The following CDS2 variants were observed in gnomAD, a reference collection of about 807,000 sequenced individuals.
CDS2 encodes phosphatidate cytidylyltransferase 2.
Under a neutral mutation model 59.0 loss-of-function variants are expected in CDS2, and 47 were observed. The ratio of observed to expected loss-of-function variants is 0.80; its 90% CI spans 0.63 to 1.02. The LOEUF is 1.02. CDS2 is among the 50% of genes least tolerant of loss of function. The probability of loss-of-function intolerance (pLI) is 0.00; values close to 1 mark genes in which losing one functional copy is unlikely to be tolerated. For synonymous variants in CDS2, 207 were observed against 206.4 expected (o/e 1.00, Z -0.02); for missense variants, 356 against 558.9 (o/e 0.64, Z 3.66).
Position 5,152,087 on chromosome 20 carries a change from A to C in CDS2, c.58-21436A>C, listed in dbSNP as rs948225666. Among the ~76,000 whole-genome samples the C allele has an allele frequency of 6.6e-5, 10 of 150,732 alleles. No individual in the cohort carries two copies. The South Asian group carries it at 1.5e-3, about 22-fold the overall frequency. ...TCTGACTCCATGGCTTTTTAAAAAA[A>C]AAAAAAACAAAAAAACAAAAACAGG... On this transcript the variant is annotated intron_variant, in intron 1 of 12. Transcript: ENST00000460006.
At chr20:5,137,532 C>T (rs1013825755) in intron 1 of CDS2, among the ~76,000 whole-genome samples, 1 of 151,342 alleles carries the variant, frequency 6.6e-6, no homozygotes, top group African/African-American at 2.4e-5. Flanking sequence ...CATGAGCCAC[C>T]ACACCTGACC....
At position 5,178,824 on chromosome 20, in the gene CDS2, C is replaced by A; in HGVS notation, c.397C>A (p.Leu133Ile). Residue 133 changes from leucine (L) to isoleucine (I), a missense_variant, in exon 5 of 13, where the codon CTC (leucine) becomes ATC (isoleucine). Transcript: ENST00000460006. Reference protein sequence around the residue: ...PWFRTLSWYFLLCVNYFFYGE... With the variant: ...PWFRTLSWYFILCVNYFFYGE... ...ACCTGTCTTCATTTACAGGTACTTT[C>A]TCCTGTGTGTAAACTATTTCTTCTA... 1 of 1,614,150 alleles carries A rather than the reference C, an allele frequency of 6.2e-7. No individual in the cohort carries two copies. The highest frequency in any genetic ancestry group is 8.5e-7 in the Non-Finnish European group (1 of 1,180,006).
intron 5 of CDS2, among the ~76,000 whole-genome samples, chr20:5,181,223 G>T (rs1318467722): frequency 6.6e-6 from 1 of 152,166 alleles, no homozygotes; most frequent in Non-Finnish European, 1.5e-5. Flanking sequence ...AATCCCTCTT[G>T]TTTCTTCTGA....
intron 1 of CDS2, among the ~76,000 whole-genome samples, chr20:5,137,637 T>C (rs1485780516): frequency 6.6e-6 from 1 of 151,586 alleles, no homozygotes; most frequent in Non-Finnish European, 1.5e-5. Context: ...ATTACAGAAG[T>C]AGGTCTCTAC....
chr20:5,182,433 G>A lies in CDS2; in HGVS notation c.576G>A (p.Leu192=). The A allele has an allele frequency of 6.2e-7, 1 of 1,612,116 alleles. No homozygotes were observed. The highest frequency in any genetic ancestry group is 1.1e-5 in the South Asian group (1 of 90,754). ...VLSLVKKHYR[L]QFYMFGWTHV... Reference sequence around the variant, plus strand: ...GTCTGGTCAAGAAGCATTATCGACTGCAGTTCTACATGGTAAAGGAAATGC... The same window carrying A: ...GTCTGGTCAAGAAGCATTATCGACTACAGTTCTACATGGTAAAGGAAATGC... Residue 192 remains leucine (L), a synonymous_variant, in exon 6 of 13, where the codon CTG becomes CTA. Transcript: ENST00000460006.
At chr20:5,135,940 G>A (rs956361403) in intron 1 of CDS2, among the ~76,000 whole-genome samples, 1 of 152,186 alleles carries the variant, frequency 6.6e-6, no homozygotes, top group Non-Finnish European at 1.5e-5. Context: ...ACCAAAGTCA[G>A]ACATCTTTTT....
In CDS2 at chr20:5,184,815, T is replaced by C. The variant is rs780405994; in HGVS notation, c.672-43T>C. 1 of 1,424,070 alleles carries C rather than the reference T, an allele frequency of 7.0e-7. No individual in the cohort carries two copies. The highest frequency in any genetic ancestry group is 9.9e-7 in the Non-Finnish European group (1 of 1,007,054). The allele number at this position is 1,424,070 out of a possible 1,614,324, so 88.2% of individuals were successfully genotyped here. A position where few individuals can be genotyped will look rare whatever the true frequency, so the allele number is the denominator to read the frequency against. Reference sequence around the variant, plus strand: ...ACTATTTTGTGTACTTTTGAGGTACTGTCACCTTGCTTGAGTTGATCCTTA... The same window carrying C: ...ACTATTTTGTGTACTTTTGAGGTACCGTCACCTTGCTTGAGTTGATCCTTA... On this transcript the variant is annotated intron_variant, in intron 7 of 12. Transcript: ENST00000460006. This position sits in a 1 kb window ranked among gnomAD's most constrained non-coding sequence, Gnocchi z 4.3.
At position 5,141,498 on chromosome 20, in the gene CDS2, G is replaced by A. The variant is rs146880565; in HGVS notation, c.57+14349G>A. On this transcript the variant is annotated intron_variant, in intron 1 of 12. Coordinates refer to ENST00000460006, the MANE Select transcript of CDS2 (RefSeq NM_003818.4). The stretch of plus-strand genomic sequence containing the variant: ...CCACTGGGACAGAAGCTCTTGCACT[G>A]GAGACTCCGAAGCTCTTGCAATGGG... Among the ~76,000 whole-genome samples, 691 of 152,256 alleles carry A rather than the reference G, an allele frequency of 4.5e-3. 3 individuals carry two copies. The highest frequency in any genetic ancestry group is 0.016 in the African/African-American group (668 of 41,546).
intron 1 of CDS2, among the ~76,000 whole-genome samples, chr20:5,150,613 C>A (rs1198637104): frequency 1.3e-4 from 20 of 152,186 alleles, no homozygotes; most frequent in Non-Finnish European, 1.3e-4. Flanking sequence ...GGCCTGCAGG[C>A]CGAAAGCAAG....
intron 1 of CDS2, among the ~76,000 whole-genome samples, chr20:5,173,030 ACCT>A (rs1361339790): frequency 6.6e-6 from 1 of 151,680 alleles, no homozygotes; most frequent in Non-Finnish European, 1.5e-5. Context: ...ACTGTGATTG[ACCT>A]CCTCACAGAG....
chr20:5,136,436 C>G (rs2090650623), intron 1 of CDS2, among the ~76,000 whole-genome samples: 1 of 152,124 alleles, frequency 6.6e-6, no homozygotes, highest in African/African-American at 2.4e-5. Context: ...TGTTTGTTGT[C>G]TGTTTGTTGC....
chr20:5,182,018 A>G (rs533380336), intron 5 of CDS2, among the ~76,000 whole-genome samples: 3 of 152,348 alleles, frequency 2.0e-5, no homozygotes, highest in Admixed American at 6.5e-5. Context: ...AGCCATAGAC[A>G]ATATGTAAAC....
chr20:5,141,693 A>G (rs779607189), intron 1 of CDS2, among the ~76,000 whole-genome samples: 4 of 152,110 alleles, frequency 2.6e-5, no homozygotes, highest in Non-Finnish European at 4.4e-5. Flanking sequence ...CAGATCTACA[A>G]CTGATGGAAA....
Position 5,183,048 on chromosome 20 carries a change from C to CTT in CDS2, c.589-6_589-5dup. ...AAACTGGTAAGTAGTGTTTATTTTT[C>CTT]TTTTTTTTGCAGTTTGGCTGGACCC... On this transcript the variant is annotated splice_polypyrimidine_tract_variant and intron_variant, in intron 6 of 12. Transcript: ENST00000460006. 1 of 1,607,184 alleles carries CTT rather than the reference C, an allele frequency of 6.2e-7. No homozygotes were observed. Among genetic ancestry groups the CTT allele is most frequent in the Admixed American group, 1.7e-5 (1 of 59,868 alleles).
At chr20:5,173,484 A>G (rs773541740) in intron 1 of CDS2, 39 bp from the exon 2 acceptor site, 21 of 1,611,572 alleles carry the variant, frequency 1.3e-5, no homozygotes, top group Non-Finnish European at 1.6e-5. Flanking sequence ...TCTACTCGGC[A>G]CTTTTGACCT....
In CDS2 at chr20:5,170,608, G is replaced by A. The variant is rs543785304; in HGVS notation, c.58-2915G>A. Among the ~76,000 whole-genome samples the A allele has an allele frequency of 3.8e-4, 58 of 152,294 alleles. No individual in the cohort carries two copies. The East Asian group carries it at 4.4e-3, about 12-fold the overall frequency. ...AGGGATTTGCCGTTGGCACCTGTTC[G>A]GCCCTGTCTCAGCATGTGGGAGAGA... On this transcript the variant is annotated intron_variant, in intron 1 of 12. Coordinates refer to ENST00000460006, the MANE Select transcript of CDS2 (RefSeq NM_003818.4).
chr20:5,159,662 C>A (rs2090861916), intron 1 of CDS2, among the ~76,000 whole-genome samples: 1 of 152,122 alleles, frequency 6.6e-6, no homozygotes, highest in African/African-American at 2.4e-5. Flanking sequence ...CCTCTTTTCC[C>A]CCAAAACAGA....
chr20:5,173,435 C>G (rs2090970890), intron 1 of CDS2, 88 bp from the exon 2 acceptor site: 1 of 1,481,644 alleles, frequency 6.7e-7, no homozygotes, highest in Non-Finnish European at 9.3e-7. Context: ...GGAGTCTTTC[C>G]CCACAGATCT....
chr20:5,173,593 C>G lies in CDS2; in HGVS notation c.128C>G (p.Pro43Arg), dbSNP rs1439903383. Reference sequence around the variant, plus strand: ...AGTGAGAGCCGGGCAGAATCCGCACCCCTGCCAGTCTCTGCAGATGATACC... The same window carrying G: ...AGTGAGAGCCGGGCAGAATCCGCACGCCTGCCAGTCTCTGCAGATGATACC... ...SDSESRAESA[P>R]LPVSADDTPE... is the part of the protein sequence containing the mutation. The change falls in exon 2 of 13, where the codon CCC becomes CGC. Residue 43 changes from proline to arginine, a missense_variant. This residue lies in a region of CDS2 where 107 missense variants were observed against 129.7 expected (regional missense o/e 0.82). Coordinates refer to ENST00000460006, the MANE Select transcript of CDS2 (RefSeq NM_003818.4). The G allele has an allele frequency of 6.2e-7, 1 of 1,614,144 alleles. No homozygotes were observed. Among genetic ancestry groups the G allele is most frequent in the South Asian group, 1.1e-5 (1 of 91,086 alleles).
Sources: gnomAD v4.1 joint callset for allele counts (sites outside exome capture counted in the v4.1 genomes callset) on GRCh38, gnomAD v4.1.1 for gene constraint, gnomAD v4.1.1 regional missense constraint, Gnocchi (gnomAD v3.1) non-coding constraint, MANE v1.5 for transcripts, NCBI Gene and HGNC (gene_info 2026-07-23, HGNC 2026-07-21) for gene names.